HLCS: variants seen among roughly 807,000 people sequenced by gnomAD.
HLCS encodes the protein biotin--protein ligase.
In HLCS, 53 loss-of-function variants were observed where a neutral mutation model predicts 75.0. The ratio of observed to expected loss-of-function variants is 0.71; its 90% CI spans 0.57 to 0.89. The LOEUF is 0.89. HLCS is among the 40% of genes least tolerant of loss of function. HLCS has a pLI of 0.00. For synonymous variants in HLCS, 431 were observed against 428.6 expected (o/e 1.01, Z -0.07); for missense variants, 966 against 1,074.0 (o/e 0.90, Z 1.41).
intron 6 of HLCS, among the ~76,000 whole-genome samples, chr21:36,812,202 G>A (rs972609384): frequency 2.0e-5 from 3 of 152,118 alleles, no homozygotes; most frequent in Non-Finnish European, 2.9e-5. Flanking sequence ...GAGGTTTTGC[G>A]GAATCAACTC....
At chr21:36,955,008 C>A (rs1374623536) in intron 2 of HLCS, among the ~76,000 whole-genome samples, 1 of 152,162 alleles carries the variant, frequency 6.6e-6, no homozygotes, top group Non-Finnish European at 1.5e-5. Flanking sequence ...TTGCAATGAG[C>A]CAAGATAGTG....
At chr21:36,889,009 C>CACAG (rs1418163196) in intron 6 of HLCS, among the ~76,000 whole-genome samples, 1 of 152,196 alleles carries the variant, frequency 6.6e-6, no homozygotes, top group African/African-American at 2.4e-5. Context: ...TACAAACTGG[C>CACAG]ACAGGCACTA....
At chr21:36,923,991 C>A (rs982193757) in intron 5 of HLCS, among the ~76,000 whole-genome samples, 1 of 152,134 alleles carries the variant, frequency 6.6e-6, no homozygotes, top group African/African-American at 2.4e-5. Context: ...TAGCCGGTGC[C>A]GTATTGTAAA....
intron 6 of HLCS, among the ~76,000 whole-genome samples, chr21:36,776,079 T>C (rs1162159608): frequency 6.6e-6 from 1 of 152,240 alleles, no homozygotes; most frequent in African/African-American, 2.4e-5. Context: ...ATTCAAATCA[T>C]GTTCTGGTTG....
At chr21:36,976,392 T>TCTCACA (rs141223194) in intron 1 of HLCS, among the ~76,000 whole-genome samples, 3 of 140,476 alleles carry the variant, frequency 2.1e-5, no homozygotes, top group African/African-American at 8.0e-5. Flanking sequence ...AGGAAGTCAG[T>TCTCACA]CACACACACA....
intron 4 of HLCS, among the ~76,000 whole-genome samples, chr21:36,934,825 T>C (rs777453981): frequency 1.3e-5 from 2 of 152,034 alleles, no homozygotes; most frequent in African/African-American, 2.4e-5. Flanking sequence ...TTGATCTCAG[T>C]AAGGTATCAC....
chr21:36,936,674 C>T lies in HLCS; in HGVS notation c.1212G>A (p.Val404=). The T allele has an allele frequency of 6.2e-7, 1 of 1,614,228 alleles. No individual in the cohort carries two copies. ...SSSFTFGGFQ[V]TSKGALHKTV... ...TCTTGTGCAGTGCACCCTTGCTTGT[C>T]ACCTGAAAGCCACCAAAGGTGAAGG... The change falls in exon 4 of 11, where the codon GTG becomes GTA. Residue 404 remains valine, a synonymous_variant. Coordinates refer to ENST00000674895, the MANE Select transcript of HLCS (RefSeq NM_001352514.2).
chr21:36,966,570 G>A lies in HLCS; in HGVS notation c.69C>T (p.Arg23=). The A allele has an allele frequency of 3.0e-6, 3 of 1,001,016 alleles. No homozygotes were observed. Among genetic ancestry groups the A allele is most frequent in the Non-Finnish European group, 3.6e-6 (3 of 842,362 alleles). The allele number at this position is 1,001,016 out of a possible 1,614,324, so 62.0% of individuals were successfully genotyped here. The change falls in exon 1 of 11, where the codon CGC becomes CGT. Residue 23 remains arginine (R), a synonymous_variant. Transcript: ENST00000674895. ...AGGCACGCAGCCGCCGCACCGTGGC[G>A]CGCACGAGCTCAGCCGGCCGGCGAC... ...RWGRRPAELV[R]ATVRRLRASR... is the part of the protein sequence containing the mutation.
intron 6 of HLCS, among the ~76,000 whole-genome samples, chr21:36,805,616 C>T (rs922462467): frequency 3.3e-5 from 5 of 152,124 alleles, no homozygotes; most frequent in African/African-American, 1.2e-4. Flanking sequence ...CTGGTCCTCC[C>T]GAGTCCTCCC....
intron 5 of HLCS, among the ~76,000 whole-genome samples, chr21:36,904,564 T>A (rs1601691724): frequency 6.6e-6 from 1 of 152,184 alleles, no homozygotes; most frequent in East Asian, 1.9e-4. Context: ...CATAATTCTC[T>A]TAAATATTTA....
In HLCS at chr21:36,764,174, G is replaced by A. The variant is rs182911492; in HGVS notation, c.2121+838C>T. On this transcript the variant is annotated intron_variant, in intron 8 of 10. Coordinates refer to ENST00000674895, the MANE Select transcript of HLCS (RefSeq NM_001352514.2). ...AACACTTTGGGAGGCTGAGGCGGGC[G>A]GATCACAAGGTCAAGAGATTGAGAC... 4.6e-5 allele frequency among the ~76,000 whole-genome samples: 7 copies of A among 152,276 alleles called. 1 individual carries two copies. Among genetic ancestry groups the A allele is most frequent in the African/African-American group, 1.4e-4 (6 of 41,558 alleles).
At chr21:36,866,547 T>C (rs923476988) in intron 6 of HLCS, among the ~76,000 whole-genome samples, 2 of 152,318 alleles carry the variant, frequency 1.3e-5, no homozygotes, top group East Asian at 1.9e-4. Context: ...CACTCCAGTC[T>C]AGGAAAGGTG....
intron 6 of HLCS, among the ~76,000 whole-genome samples, chr21:36,788,836 T>C (rs1039922731): frequency 2.6e-5 from 4 of 152,122 alleles, no homozygotes; most frequent in African/African-American, 7.2e-5. Flanking sequence ...TTGCTAGTAG[T>C]TGGATTTCGT....
intron 6 of HLCS, among the ~76,000 whole-genome samples, chr21:36,836,502 C>T (rs568688395): frequency 5.5e-4 from 75 of 136,924 alleles, no homozygotes; most frequent in African/African-American, 1.8e-3. Context: ...ATGATGTTTC[C>T]CTTCCTGTGT....
At chr21:36,879,686 C>A (rs2064128506) in intron 6 of HLCS, among the ~76,000 whole-genome samples, 1 of 152,064 alleles carries the variant, frequency 6.6e-6, no homozygotes, top group Non-Finnish European at 1.5e-5. Flanking sequence ...AGTCCCAGAA[C>A]TTTGGGAGGC....
At chr21:36,946,347 T>G (rs1205424777) in intron 2 of HLCS, among the ~76,000 whole-genome samples, 3 of 152,020 alleles carry the variant, frequency 2.0e-5, no homozygotes, top group African/African-American at 7.2e-5. Context: ...GCTCCAGCAA[T>G]CCTCCCAACT....
intron 1 of HLCS, among the ~76,000 whole-genome samples, chr21:36,976,477 G>A (rs561086989): frequency 1.3e-3 from 203 of 152,134 alleles, no homozygotes; most frequent in African/African-American, 4.4e-3. Context: ...CCAGCTACTC[G>A]GGAGGCTGAG....
Position 36,925,250 on chromosome 21 carries a change from A to T in HLCS, c.1620+5001T>A, listed in dbSNP as rs559425251. On this transcript the variant is annotated intron_variant, in intron 5 of 10. Coordinates refer to ENST00000674895, the MANE Select transcript of HLCS (RefSeq NM_001352514.2). ...GCCCGATCATTTCAGTAACAAACCC[A>T]GTTGTCACTTCTTGTGACAGCTACA... Among the ~76,000 whole-genome samples, 128 of 152,302 alleles carry T rather than the reference A, an allele frequency of 8.4e-4. 1 individual carries two copies. The highest frequency in any genetic ancestry group is 3.0e-3 in the African/African-American group (126 of 41,564).
At chr21:36,940,248 G>A (rs1018942808) in intron 2 of HLCS, among the ~76,000 whole-genome samples, 3 of 152,142 alleles carry the variant, frequency 2.0e-5, no homozygotes, top group Non-Finnish European at 4.4e-5. Context: ...TGCCATGAAC[G>A]ATTGCTCTAC....
Sources: allele counts gnomAD v4.1 joint callset (sites outside exome capture counted in the v4.1 genomes callset), GRCh38; gene constraint gnomAD v4.1.1; transcripts MANE v1.5; gene names NCBI Gene and HGNC (gene_info 2026-07-23, HGNC 2026-07-21).